FGF18: variants seen among roughly 807,000 people sequenced by gnomAD.
FGF18 encodes fibroblast growth factor 18.
FGF18 carries 5 observed loss-of-function variants against 23.0 expected under a neutral mutation model. The observed-to-expected ratio is 0.22, with a 90% confidence interval of 0.11 to 0.46. FGF18 has a LOEUF of 0.46. Ranked by LOEUF, FGF18 falls within the 20% of genes least tolerant of loss-of-function variation. FGF18 has a pLI of 0.99. For missense variants in FGF18, 180 were observed against 291.6 expected (o/e 0.62, Z 2.79); for synonymous variants, 117 against 118.9 (o/e 0.98, Z 0.10).
intron 3 of FGF18, among the ~76,000 whole-genome samples, chr5:171,443,771 C>T (rs1328194833): frequency 6.6e-6 from 1 of 152,116 alleles, no homozygotes; most frequent in Non-Finnish European, 1.5e-5. Context: ...CCCTTTGCTG[C>T]TCTCCTTTCT....
intron 2 of FGF18, among the ~76,000 whole-genome samples, chr5:171,430,422 A>G (rs1772163283): frequency 6.6e-6 from 1 of 152,050 alleles, no homozygotes; most frequent in Admixed American, 6.6e-5. Flanking sequence ...ATAGGAAGAC[A>G]TCCCTCAAGA....
At position 171,436,370 on chromosome 5, in the gene FGF18, G is replaced by A. The variant is rs1772246577; in HGVS notation, c.250+97G>A. The A allele has an allele frequency of 1.9e-6, 2 of 1,058,122 alleles. No individual in the cohort carries two copies. Among genetic ancestry groups the A allele is most frequent in the Non-Finnish European group, 2.6e-6 (2 of 779,264 alleles). 65.5% of individuals were successfully genotyped at this position (1,058,122 alleles called of 1,614,324 possible). On this transcript the variant is annotated intron_variant, in intron 3 of 4. Transcript: ENST00000274625. This position sits in a 1 kb window ranked among gnomAD's most constrained non-coding sequence, Gnocchi z 4.4. ...TTCAAATGCCAGCCTTGCTGCTCCTGGCTGTGTGATCTTGGACCTGGCACT... is the reference window on the plus strand; with the variant it reads ...TTCAAATGCCAGCCTTGCTGCTCCTAGCTGTGTGATCTTGGACCTGGCACT...
intron 2 of FGF18, among the ~76,000 whole-genome samples, chr5:171,424,857 G>T (rs1772067431): frequency 6.6e-6 from 1 of 151,856 alleles, no homozygotes; most frequent in African/African-American, 2.4e-5. Context: ...GGGGAAGGGG[G>T]AGGGGGAGGG....
chr5:171,430,810 A>AAAAAAAG (rs1377491654), intron 2 of FGF18, among the ~76,000 whole-genome samples: 3 of 110,272 alleles, frequency 2.7e-5, no homozygotes, highest in Non-Finnish European at 4.4e-5. Context: ...AAAAAAAAAA[A>AAAAAAAG]AAAAAAGAAA....
intron 2 of FGF18, among the ~76,000 whole-genome samples, chr5:171,430,987 G>A (rs1337616665): frequency 6.6e-6 from 1 of 152,176 alleles, no homozygotes; most frequent in Non-Finnish European, 1.5e-5. Flanking sequence ...TCCTGTGTGA[G>A]TGTTGCGTGT....
In FGF18 at chr5:171,420,422, G is replaced by T; in HGVS notation, c.48G>T (p.Leu16=). The change falls in exon 2 of 5, where the codon CTG becomes CTT. Residue 16 remains leucine, a synonymous_variant. Coordinates refer to ENST00000274625, the MANE Select transcript of FGF18 (RefSeq NM_003862.3). ...SACTCLCLHF[L]LLCFQVQVLV... ...TTTCCCGCAGGTGTTTACACTTCCTGCTGCTGTGCTTCCAGGTACAGGTAC... is the reference window on the plus strand; with the variant it reads ...TTTCCCGCAGGTGTTTACACTTCCTTCTGCTGTGCTTCCAGGTACAGGTAC... 1 of 1,613,896 alleles carries T rather than the reference G, an allele frequency of 6.2e-7. No homozygotes were observed. Among genetic ancestry groups the T allele is most frequent in the Non-Finnish European group, 8.5e-7 (1 of 1,179,936 alleles).
At chr5:171,454,928 C>T (rs1366918623) in intron 4 of FGF18, among the ~76,000 whole-genome samples, 1 of 152,254 alleles carries the variant, frequency 6.6e-6, no homozygotes, top group Admixed American at 6.5e-5. Context: ...TCACCACCCC[C>T]TGTCCAGATC....
intron 3 of FGF18, among the ~76,000 whole-genome samples, chr5:171,446,046 ACTG>A (rs1285407494): frequency 1.3e-5 from 2 of 152,084 alleles, no homozygotes; most frequent in South Asian, 2.1e-4. Context: ...TTCTCTGAGA[ACTG>A]CTGCTGCTAT....
intron 4 of FGF18, among the ~76,000 whole-genome samples, chr5:171,452,782 C>G (rs1772535578): frequency 6.6e-6 from 1 of 152,194 alleles, no homozygotes; most frequent in Non-Finnish European, 1.5e-5. Flanking sequence ...ACCAGCACAT[C>G]TTTGTTAAGA....
rs913843726 is a variant in FGF18 at position 171,451,750 on chromosome 5, G to A, written c.357+2497G>A. Among the ~76,000 whole-genome samples, 1 of 152,282 alleles carries A rather than the reference G, an allele frequency of 6.6e-6. No individual in the cohort carries two copies. ...TGGATTCCTTATGCTCCAGATGCGTGGCACTGAGCACCGCTGTTCCATGGA... is the reference window on the plus strand; with the variant it reads ...TGGATTCCTTATGCTCCAGATGCGTAGCACTGAGCACCGCTGTTCCATGGA... On this transcript the variant is annotated intron_variant, in intron 4 of 4. Transcript: ENST00000274625. The surrounding 1 kb of genome is among the most constrained non-coding windows in gnomAD (Gnocchi z 4.5).
chr5:171,431,911 G>A (rs1330451901), intron 2 of FGF18, among the ~76,000 whole-genome samples: 2 of 152,096 alleles, frequency 1.3e-5, no homozygotes, highest in African/African-American at 2.4e-5. Context: ...TAGCCGGTGT[G>A]GTGGTGGGCA....
chr5:171,429,694 G>A (rs1772148681), intron 2 of FGF18, among the ~76,000 whole-genome samples: 1 of 152,266 alleles, frequency 6.6e-6, no homozygotes. Context: ...TTCTGGGCAG[G>A]TTGCCTGGAG....
At chr5:171,444,120 CA>C (rs1316142770) in intron 3 of FGF18, among the ~76,000 whole-genome samples, 1 of 152,214 alleles carries the variant, frequency 6.6e-6, no homozygotes, top group Non-Finnish European at 1.5e-5. Flanking sequence ...CCTCCTTCCT[CA>C]AAGTCATTTG....
chr5:171,448,399 T>C (rs987457951), intron 3 of FGF18, among the ~76,000 whole-genome samples: 1 of 152,114 alleles, frequency 6.6e-6, no homozygotes, highest in Non-Finnish European at 1.5e-5. Context: ...CTGCTATGAA[T>C]AGGCAGGTTA....
At chr5:171,455,207 C>T (rs1298384885) in intron 4 of FGF18, among the ~76,000 whole-genome samples, 1 of 152,182 alleles carries the variant, frequency 6.6e-6, no homozygotes, top group Non-Finnish European at 1.5e-5. Flanking sequence ...CCCAGGCTCC[C>T]AAGGGAGTTC....
Position 171,420,164 on chromosome 5 carries a change from C to A in FGF18, c.-36C>A. ...GCCGCGCGGAGCGGACATGTGCAGGCTGGGCTAGGAGCCGCCGCCTCCCTC... is the reference window on the plus strand; with the variant it reads ...GCCGCGCGGAGCGGACATGTGCAGGATGGGCTAGGAGCCGCCGCCTCCCTC... On this transcript the variant is annotated 5_prime_UTR_variant, in exon 1 of 5. It adds an upstream start codon to the 5' untranslated region. Coordinates refer to ENST00000274625, the MANE Select transcript of FGF18 (RefSeq NM_003862.3). 1 of 1,530,152 alleles carries A rather than the reference C, an allele frequency of 6.5e-7. No homozygotes were observed. The highest frequency in any genetic ancestry group is 1.2e-5 in the South Asian group (1 of 82,802). The allele number at this position is 1,530,152 out of a possible 1,614,324, so 94.8% of individuals were successfully genotyped here.
At position 171,451,052 on chromosome 5, in the gene FGF18, C is replaced by T. The variant is rs931239155; in HGVS notation, c.357+1799C>T. ...AGAGCAGCCCCGTCCCCTCGGGCCG[C>T]CCCCCCACCCCGCCGCCGGCCGCCT... On this transcript the variant is annotated intron_variant, in intron 4 of 4. Transcript: ENST00000274625. The surrounding 1 kb of genome is among the most constrained non-coding windows in gnomAD (Gnocchi z 4.5). Among the ~76,000 whole-genome samples, 4 of 150,894 alleles carry T rather than the reference C, an allele frequency of 2.7e-5. No individual in the cohort carries two copies. The highest frequency in any genetic ancestry group is 4.4e-5 in the Non-Finnish European group (3 of 67,476).
intron 3 of FGF18, among the ~76,000 whole-genome samples, chr5:171,448,042 G>A (rs561260494): frequency 3.3e-5 from 5 of 152,340 alleles, no homozygotes; most frequent in African/African-American, 7.2e-5. Context: ...ACGCAGCAGC[G>A]TACTGGGGAG....
chr5:171,432,553 C>A (rs923902320), intron 2 of FGF18, among the ~76,000 whole-genome samples: 2 of 152,086 alleles, frequency 1.3e-5, no homozygotes, highest in African/African-American at 4.8e-5. Context: ...GGATTACAGG[C>A]ATGCACCACC....
Sources: allele counts gnomAD v4.1 joint callset (sites outside exome capture counted in the v4.1 genomes callset), GRCh38; gene constraint gnomAD v4.1.1; non-coding constraint Gnocchi (gnomAD v3.1); transcripts MANE v1.5; gene names NCBI Gene and HGNC (gene_info 2026-07-23, HGNC 2026-07-21).